The following FAM171A2 variants were observed in gnomAD, a reference collection of about 807,000 sequenced individuals.
The protein encoded by FAM171A2 is protein FAM171A2.
A neutral mutation model predicts 34.2 loss-of-function variants in FAM171A2; 13 were observed. That is an observed-to-expected ratio of 0.38 (90% CI 0.25 to 0.60). FAM171A2 has a LOEUF of 0.60. Among genes scored for constraint, FAM171A2 ranks in the 20% least tolerant of loss-of-function variants. The pLI, the probability that FAM171A2 is intolerant of heterozygous loss-of-function variation, is 0.62. For synonymous variants in FAM171A2, 475 were observed against 561.2 expected, an observed-to-expected ratio of 0.85 and a Z score of 2.17; for missense variants, 950 against 1,180.7, an observed-to-expected ratio of 0.80 and a Z score of 2.86.
In FAM171A2 at chr17:44,353,776, T is replaced by A; in HGVS notation, c.2438A>T (p.Gln813Leu). The A allele has an allele frequency of 7.0e-7, 1 of 1,436,662 alleles. No homozygotes were observed. Among genetic ancestry groups the A allele is most frequent in the South Asian group, 1.3e-5 (1 of 75,744 alleles). The allele number at this position is 1,436,662 out of a possible 1,614,324, so 89.0% of individuals were successfully genotyped here. A position where few individuals can be genotyped will look rare whatever the true frequency, so the allele number is the denominator to read the frequency against. ...DEAGDKKSPW[Q>L]RREERPLMVF... ...CATCAGCGGCCGCTCCTCCCGCCGC[T>A]GCCACGGGCTCTTCTTGTCTCCCGC... Residue 813 changes from glutamine (Q) to leucine (L), a missense_variant, in exon 8 of 8, where the codon CAG becomes CTG. Coordinates refer to ENST00000293443, the MANE Select transcript of FAM171A2 (RefSeq NM_198475.3).
chr17:44,359,897 G>A lies in FAM171A2; in HGVS notation c.346+8C>T. ...CTGTCCCCCCCCTCCACCTGCCCCT[G>A]CACTCACAGGGCAGCTTGTCAACAC... On this transcript the variant is annotated splice_region_variant and intron_variant, in intron 2 of 7. Transcript: ENST00000293443. 1.3e-6 allele frequency: 2 copies of A among 1,525,580 alleles called. No homozygotes were observed. The highest frequency in any genetic ancestry group is 8.8e-7 in the Non-Finnish European group (1 of 1,131,996). 94.5% of individuals were successfully genotyped at this position (1,525,580 alleles called of 1,614,324 possible).
rs2048440569 is a variant in FAM171A2 at position 44,359,797 on chromosome 17, C to A, written c.346+108G>T. The A allele has an allele frequency of 2.2e-6, 3 of 1,362,236 alleles. No homozygotes were observed. In the East Asian group the frequency reaches 7.6e-5, roughly 34 times the overall value. The allele number at this position is 1,362,236 out of a possible 1,614,324, so 84.4% of individuals were successfully genotyped here. ...CCCCCTCTGTGTACCCCAGCCCAGG[C>A]AGCAGCTGCTGGAAAGCCTCCCCCT... On this transcript the variant is annotated intron_variant, in intron 2 of 7. Transcript: ENST00000293443.
In FAM171A2 at chr17:44,354,641, TG is replaced by T; in HGVS notation, c.1572del (p.Ile525SerfsTer17). On this transcript the variant is annotated frameshift_variant, in exon 8 of 8. Transcript: ENST00000293443. LOFTEE classifies it low-confidence loss of function (END_TRUNC). This position sits in a 1 kb window ranked among gnomAD's most constrained non-coding sequence, Gnocchi z 5.8. ...GQAGQLIFCG[S>X]IDHLKDNVYR... ...TAGACGTTGTCCTTGAGGTGGTCGA[TG>T]GAGCCGCAGAAGATGAGCTGCCCCG... 7.7e-7 allele frequency: 1 copy of T among 1,294,696 alleles called. No homozygotes were observed. The highest frequency in any genetic ancestry group is 9.8e-7 in the Non-Finnish European group (1 of 1,019,806). 80.2% of individuals were successfully genotyped at this position (1,294,696 alleles called of 1,614,324 possible).
At position 44,354,026 on chromosome 17, in the gene FAM171A2, T is replaced by G; in HGVS notation, c.2188A>C (p.Thr730Pro). ...APPRLALSED[T>P]EPSSSESRTG... Reference sequence around the variant, plus strand: ...CGGCTCTCGCTGCTGCTGGGCTCCGTGTCCTCGCTGAGCGCCAGGCGCGGG... The same window carrying G: ...CGGCTCTCGCTGCTGCTGGGCTCCGGGTCCTCGCTGAGCGCCAGGCGCGGG... Residue 730 changes from threonine (T) to proline (P), a missense_variant, in exon 8 of 8, where the codon ACG becomes CCG. Physicochemically the swap from Thr to Pro is conservative, Grantham distance 38. Around this residue, in one of 3 missense-constraint regions of FAM171A2, gnomAD observed 191 missense variants for 222.8 expected, o/e 0.86. Transcript: ENST00000293443. The surrounding 1 kb of genome is among the most constrained non-coding windows in gnomAD (Gnocchi z 5.8). 1 of 1,175,508 alleles carries G rather than the reference T, an allele frequency of 8.5e-7. No individual in the cohort carries two copies. Among genetic ancestry groups the G allele is most frequent in the Non-Finnish European group, 1.1e-6 (1 of 952,262 alleles). The allele number at this position is 1,175,508 out of a possible 1,614,324, so 72.8% of individuals were successfully genotyped here.
chr17:44,355,094 G>C lies in FAM171A2; in HGVS notation c.1120C>G (p.Leu374Val). Residue 374 changes from leucine to valine, a missense_variant, in exon 8 of 8, where the codon CTC (leucine) becomes GTC (valine). By Grantham distance (32) the Leu-to-Val change is conservative. This residue lies in a region of FAM171A2 where 752 missense variants were observed against 924.5 expected (regional missense o/e 0.81). Transcript: ENST00000293443. The surrounding 1 kb of genome is among the most constrained non-coding windows in gnomAD (Gnocchi z 4.1). ...KRDQATSMSQ[L>V]HLICGGPLEP... ...AGGGGTCCCCCACAGATGAGGTGGA[G>C]CTGGGACATCGAGGTGGCCTGGTCT... 1.9e-6 allele frequency: 3 copies of C among 1,550,888 alleles called. No homozygotes were observed. The highest frequency in any genetic ancestry group is 2.6e-6 in the Non-Finnish European group (3 of 1,146,918).
intron 1 of FAM171A2, among the ~76,000 whole-genome samples, chr17:44,362,998 A>G (rs1020764858): frequency 6.6e-6 from 1 of 152,116 alleles, no homozygotes; most frequent in African/African-American, 2.4e-5. Context: ...ACAAGCATTT[A>G]TTTGGTGCAC....
Position 44,355,159 on chromosome 17 carries a change from C to T in FAM171A2, c.1055G>A (p.Arg352His), listed in dbSNP as rs1261176006. ...RRCLKPRQQH[R>H]KLQLSGPSDG... ...AGAGGGCCCCGAGAGCTGCAGCTTG[C>T]GGTGCTGTTGCCTCGGCTTCAGGCA... Residue 352 changes from arginine (R) to histidine (H), a missense_variant, in exon 8 of 8, where the codon CGC (arginine) becomes CAC (histidine). Physicochemically the swap from Arg to His is conservative, Grantham distance 29. Transcript: ENST00000293443. The surrounding 1 kb of genome is among the most constrained non-coding windows in gnomAD (Gnocchi z 4.1). The T allele has an allele frequency of 3.2e-6, 5 of 1,550,872 alleles. No homozygotes were observed. Among genetic ancestry groups the T allele is most frequent in the South Asian group, 1.2e-5 (1 of 84,058 alleles).
rs968923221 is a variant in FAM171A2, at chr17:44,355,981, G to C, written c.872C>G (p.Ala291Gly). 8 of 1,544,414 alleles carry C rather than the reference G, an allele frequency of 5.2e-6. No homozygotes were observed. In the African/African-American group the frequency reaches 1.1e-4, roughly 21 times the overall value. ...ACCAGCCGTGGGGGAGGCCATGGCG[G>C]CCACCCAGTACCCCAGCTGGGGGGA... ...FVSPQLGYWVAAMASPTAGLV... is the reference protein window; with the variant it reads ...FVSPQLGYWVGAMASPTAGLV... The change falls in exon 6 of 8, where the codon GCC becomes GGC. Residue 291 changes from alanine to glycine, a missense_variant. Physicochemically the swap from Ala to Gly is moderately conservative, Grantham distance 60 (BLOSUM62 0). Transcript: ENST00000293443. This position sits in a 1 kb window ranked among gnomAD's most constrained non-coding sequence, Gnocchi z 4.1.
At position 44,353,562 on chromosome 17, in the gene FAM171A2, G is replaced by A; in HGVS notation, c.*171C>T. The stretch of plus-strand genomic sequence containing the variant: ...CTCCCCGGCTTGGAGGCAGACACAG[G>A]GTCCCTTGCAAGACACGACCCAGCA... On this transcript the variant is annotated 3_prime_UTR_variant, in exon 8 of 8. Coordinates refer to ENST00000293443, the MANE Select transcript of FAM171A2 (RefSeq NM_198475.3). 1 of 403,968 alleles carries A rather than the reference G, an allele frequency of 2.5e-6. No individual in the cohort carries two copies. The allele number at this position is 403,968 out of a possible 1,614,324, so 25.0% of individuals were successfully genotyped here.
chr17:44,355,229 G>T lies in FAM171A2; in HGVS notation c.1023-38C>A. The T allele has an allele frequency of 1.9e-6, 3 of 1,545,754 alleles. No individual in the cohort carries two copies. The highest frequency in any genetic ancestry group is 2.6e-6 in the Non-Finnish European group (3 of 1,145,254). The stretch of plus-strand genomic sequence containing the variant: ...GAGCAGAAGGGGCCGCTCAGGAAAG[G>T]GTGAGGGCCAAAGTAGGCCCCGAAC... On this transcript the variant is annotated intron_variant, in intron 7 of 7. Coordinates refer to ENST00000293443, the MANE Select transcript of FAM171A2 (RefSeq NM_198475.3). This position sits in a 1 kb window ranked among gnomAD's most constrained non-coding sequence, Gnocchi z 4.1.
rs553551339 is a variant in FAM171A2 at position 44,356,009 on chromosome 17, C to T, written c.844G>A (p.Val282Ile). ...ACCCAGTACCCCAGCTGGGGGGAGA[C>T]GAAGGTCCAGTAGAGCTGCCGGCCT... ...KEGRQLYWTF[V>I]SPQLGYWVAA... The change falls in exon 6 of 8, where the codon GTC (valine) becomes ATC (isoleucine). Residue 282 changes from valine to isoleucine, a missense_variant. Val to Ile is a conservative substitution (Grantham distance 29). Around this residue, in one of 3 missense-constraint regions of FAM171A2, gnomAD observed 752 missense variants for 924.5 expected, o/e 0.81. Coordinates refer to ENST00000293443, the MANE Select transcript of FAM171A2 (RefSeq NM_198475.3). 1.5e-5 allele frequency: 23 copies of T among 1,547,954 alleles called. No individual in the cohort carries two copies. In the South Asian group the frequency reaches 2.4e-4, roughly 16 times the overall value.
At chr17:44,359,709 AC>A in intron 2 of FAM171A2, 38 bp from the exon 3 acceptor site, 2 of 1,244,672 alleles carry the variant, frequency 1.6e-6, no homozygotes, top group Non-Finnish European at 2.2e-6. Flanking sequence ...AGGAAAACCC[AC>A]CCCCTACCCC....
rs1426112084 is a variant in FAM171A2, at chr17:44,353,567, C to T, written c.*166G>A. On this transcript the variant is annotated 3_prime_UTR_variant, in exon 8 of 8. Coordinates refer to ENST00000293443, the MANE Select transcript of FAM171A2 (RefSeq NM_198475.3). ...CGGCTTGGAGGCAGACACAGGGTCC[C>T]TTGCAAGACACGACCCAGCACCAAC... The T allele has an allele frequency of 3.2e-5, 14 of 437,582 alleles. 1 individual carries two copies. Among genetic ancestry groups the T allele is most frequent in the Non-Finnish European group, 4.5e-5 (13 of 286,962 alleles). 27.1% of individuals were successfully genotyped at this position (437,582 alleles called of 1,614,324 possible). A position where few individuals can be genotyped will look rare whatever the true frequency, so the allele number is the denominator to read the frequency against.
chr17:44,363,225 AGGGGGCT>A (rs1330017963), intron 1 of FAM171A2, among the ~76,000 whole-genome samples: 27 of 151,918 alleles, frequency 1.8e-4, no homozygotes, highest in Admixed American at 1.8e-3. Flanking sequence ...AGCAACCCGC[AGGGGGCT>A]GCGGAGCAGG....
chr17:44,357,238 TC>T (rs2048428158), intron 3 of FAM171A2, among the ~76,000 whole-genome samples: 1 of 151,666 alleles, frequency 6.6e-6, no homozygotes, highest in Non-Finnish European at 1.5e-5. Flanking sequence ...TCCCAGCTGC[TC>T]GTGAGGCTGA....
At position 44,353,424 on chromosome 17, in the gene FAM171A2, C is replaced by G. The variant is rs1350051104; in HGVS notation, c.*309G>C. The stretch of plus-strand genomic sequence containing the variant: ...ACACTAGCAGCTGAGGCTGGGTCAC[C>G]CCTCCTGCTTTCCCACAATAGAGCT... On this transcript the variant is annotated 3_prime_UTR_variant, in exon 8 of 8. Coordinates refer to ENST00000293443, the MANE Select transcript of FAM171A2 (RefSeq NM_198475.3). 2 of 175,798 alleles carry G rather than the reference C, an allele frequency of 1.1e-5. No homozygotes were observed. Among genetic ancestry groups the G allele is most frequent in the African/African-American group, 4.8e-5 (2 of 41,900 alleles). 10.9% of individuals were successfully genotyped at this position (175,798 alleles called of 1,614,324 possible). A position where few individuals can be genotyped will look rare whatever the true frequency, so the allele number is the denominator to read the frequency against.
chr17:44,354,585 G>A lies in FAM171A2; in HGVS notation c.1629C>T (p.Pro543=). The change falls in exon 8 of 8, where the codon CCC becomes CCT. Residue 543 remains proline (P), a synonymous_variant. Coordinates refer to ENST00000293443, the MANE Select transcript of FAM171A2 (RefSeq NM_198475.3). This position sits in a 1 kb window ranked among gnomAD's most constrained non-coding sequence, Gnocchi z 5.8. ...YRNVMPTLVI[P]AHYVRLGGEA... ...CGCCGCCGAGGCGCACGTAGTGCGC[G>A]GGGATCACCAGGGTGGGCATGACGT... 8.1e-7 allele frequency: 1 copy of A among 1,234,186 alleles called. No individual in the cohort carries two copies. Among genetic ancestry groups the A allele is most frequent in the Admixed American group, 4.3e-5 (1 of 23,334 alleles). 76.5% of individuals were successfully genotyped at this position (1,234,186 alleles called of 1,614,324 possible).
At position 44,354,243 on chromosome 17, in the gene FAM171A2, G is replaced by A; in HGVS notation, c.1971C>T (p.Ser657=). The change falls in exon 8 of 8, where the codon TCC becomes TCT. Residue 657 remains serine, a synonymous_variant. Transcript: ENST00000293443. The surrounding 1 kb of genome is among the most constrained non-coding windows in gnomAD (Gnocchi z 5.8). ...CTTGCGAGTTGGAGCGCCCGTCGAG[G>A]GACACGAACCAGGCGCGCGGGTGCG... ...VKPHPRAWFV[S]LDGRSNSQVR... is the part of the protein sequence containing the mutation. The A allele has an allele frequency of 6.9e-7, 1 of 1,455,094 alleles. No individual in the cohort carries two copies. Among genetic ancestry groups the A allele is most frequent in the South Asian group, 1.3e-5 (1 of 76,624 alleles). 90.1% of individuals were successfully genotyped at this position (1,455,094 alleles called of 1,614,324 possible).
chr17:44,359,371 TC>T (rs2048438569), intron 3 of FAM171A2: 1 of 592,594 alleles, frequency 1.7e-6, no homozygotes, highest in South Asian at 2.0e-5. Context: ...TTGAACACCT[TC>T]TGTACTGTGT....
Sources: allele counts gnomAD v4.1 joint callset (sites outside exome capture counted in the v4.1 genomes callset), GRCh38; gene constraint gnomAD v4.1.1; regional missense constraint gnomAD v4.1.1; non-coding constraint Gnocchi (gnomAD v3.1); transcripts MANE v1.5; gene names NCBI Gene and HGNC (gene_info 2026-07-23, HGNC 2026-07-21).